Variants in PAFAH1B1 observed in about 807,000 individuals in gnomAD.
PAFAH1B1 encodes the protein platelet activating factor acetylhydrolase 1b regulatory subunit 1, also known as platelet-activating factor acetylhydrolase IB subunit beta.
In PAFAH1B1, 2 loss-of-function variants were observed where a neutral mutation model predicts 57.5. The observed-to-expected ratio is 0.03, with a 90% CI of 0.01 to 0.11. The LOEUF (loss-of-function observed/expected upper bound fraction) is 0.11, where lower values mean the gene tolerates loss of function less well. PAFAH1B1 is among the 10% of genes least tolerant of loss of function. PAFAH1B1 has a pLI of 1.00. For synonymous variants in PAFAH1B1, 152 were observed against 169.6 expected (o/e 0.90, Z 0.81); for missense variants, 257 against 512.0 (o/e 0.50, Z 4.81).
chr17:2,668,164 A>G (rs893575286), intron 5 of PAFAH1B1, among the ~76,000 whole-genome samples: 8 of 151,736 alleles, frequency 5.3e-5, no homozygotes, highest in Admixed American at 2.6e-4. Flanking sequence ...ATCTCTACTA[A>G]AATACAAAAA....
chr17:2,672,702 C>G lies in PAFAH1B1; in HGVS notation c.616C>G (p.His206Asp). 6.2e-7 allele frequency: 1 copy of G among 1,613,452 alleles called. No homozygotes were observed. Among genetic ancestry groups the G allele is most frequent in the Non-Finnish European group, 8.5e-7 (1 of 1,179,534 alleles). Residue 206 changes from histidine (H) to aspartate (D), a missense_variant, in exon 7 of 11, where the codon CAT (histidine) becomes GAT (aspartate). Physicochemically the swap from His to Asp is moderately conservative, Grantham distance 81 (BLOSUM62 -1). Coordinates refer to ENST00000397195, the MANE Select transcript of PAFAH1B1 (RefSeq NM_000430.4). ...SSVAIMPNGD[H>D]IVSASRDKTI... is the part of the protein sequence containing the mutation. ...AGTAGCCATCATGCCCAATGGAGAT[C>G]ATATAGTGTCTGCCTCAAGGGATAA...
intron 1 of PAFAH1B1, among the ~76,000 whole-genome samples, chr17:2,610,664 A>C (rs973753269): frequency 6.6e-6 from 1 of 152,220 alleles, no homozygotes; most frequent in Non-Finnish European, 1.5e-5. Flanking sequence ...TGTTTTAGGA[A>C]AGCTTACGAA....
At chr17:2,640,655 G>C (rs914945236) in intron 2 of PAFAH1B1, 1 of 151,496 alleles carries the variant, frequency 6.6e-6, no homozygotes, top group African/African-American at 2.4e-5. Context: ...GTTTCACTGT[G>C]TCGGCCAGAC....
Position 2,628,550 on chromosome 17 carries a change from T to G in PAFAH1B1, c.-190-9549T>G, listed in dbSNP as rs558779304. 2.6e-5 allele frequency among the ~76,000 whole-genome samples: 4 copies of G among 152,022 alleles called. No individual in the cohort carries two copies. The South Asian group carries it at 6.2e-4, about 24-fold the overall frequency. ...GTCTGTAGTTTTCTTTTTTTGGTTG[T>G]TTGGTTGTAGTTTCCTTTCCTGGTT... On this transcript the variant is annotated intron_variant, in intron 1 of 10. Coordinates refer to ENST00000397195, the MANE Select transcript of PAFAH1B1 (RefSeq NM_000430.4).
intron 2 of PAFAH1B1, chr17:2,640,592 C>G (rs1474428138): frequency 6.6e-6 from 1 of 151,450 alleles, no homozygotes; most frequent in African/African-American, 2.4e-5. Context: ...GCTGGAATTA[C>G]AGGCGCACAC....
At chr17:2,664,667 T>TCGCTCG (rs1049411583) in intron 2 of PAFAH1B1, among the ~76,000 whole-genome samples, 66 of 97,428 alleles carry the variant, frequency 6.8e-4, no homozygotes, top group African/African-American at 2.2e-3. Flanking sequence ...TATCTATCGC[T>TCGCTCG]CTCTCTCTCT....
At chr17:2,648,589 ACT>A (rs963041865) in intron 2 of PAFAH1B1, among the ~76,000 whole-genome samples, 3 of 150,598 alleles carry the variant, frequency 2.0e-5, no homozygotes, top group African/African-American at 4.9e-5. Context: ...GAGGTGGGAG[ACT>A]CTCATGAGCC....
Position 2,626,723 on chromosome 17 carries a change from T to A in PAFAH1B1, c.-190-11376T>A, listed in dbSNP as rs990324969. On this transcript the variant is annotated intron_variant, in intron 1 of 10. Transcript: ENST00000397195. ...GCGCGTGCCACCAAGCCCGGCTAAT[T>A]TTTGTATTTTTAGTAGAGATAGGGT... Among the ~76,000 whole-genome samples, 7 of 151,856 alleles carry A rather than the reference T, an allele frequency of 4.6e-5. 1 individual carries two copies. Among genetic ancestry groups the A allele is most frequent in the Admixed American group, 4.6e-4 (7 of 15,270 alleles).
At chr17:2,595,421 C>CTTTTTTTTTT (rs71377513) in intron 1 of PAFAH1B1, among the ~76,000 whole-genome samples, 4 of 124,062 alleles carry the variant, frequency 3.2e-5, no homozygotes, top group Non-Finnish European at 5.1e-5. Context: ...GGAGTGTTTG[C>CTTTTTTTTTT]TTTTTTTTTT....
intron 1 of PAFAH1B1, among the ~76,000 whole-genome samples, chr17:2,637,451 G>T (rs940100294): frequency 6.6e-6 from 1 of 152,110 alleles, no homozygotes; most frequent in African/African-American, 2.4e-5. Context: ...GGGCATGGTG[G>T]TGTGTGCCTG....
At chr17:2,633,455 A>G (rs982176410) in intron 1 of PAFAH1B1, among the ~76,000 whole-genome samples, 4 of 150,400 alleles carry the variant, frequency 2.7e-5, no homozygotes, top group Non-Finnish European at 5.9e-5. Context: ...GGTGTGAGCC[A>G]CTGTGCCCAG....
At chr17:2,634,172 G>A (rs905131249) in intron 1 of PAFAH1B1, among the ~76,000 whole-genome samples, 2 of 151,954 alleles carry the variant, frequency 1.3e-5, no homozygotes. Context: ...GTCTTGCTCT[G>A]TTGCCCACCC....
At chr17:2,619,679 C>T (rs1264398996) in intron 1 of PAFAH1B1, among the ~76,000 whole-genome samples, 3 of 152,106 alleles carry the variant, frequency 2.0e-5, no homozygotes, top group Non-Finnish European at 2.9e-5. Flanking sequence ...CTGCCTATTC[C>T]TCACTGAATC....
At position 2,682,632 on chromosome 17, in the gene PAFAH1B1, T is replaced by G. The variant is rs760466899; in HGVS notation, c.*830T>G. On this transcript the variant is annotated 3_prime_UTR_variant, in exon 11 of 11. Transcript: ENST00000397195. Reference sequence around the variant, plus strand: ...AGTGATGTGACTTCCAAGTAGAATTTAATCTCCCCATTGAGTGTGTCATGG... The same window carrying G: ...AGTGATGTGACTTCCAAGTAGAATTGAATCTCCCCATTGAGTGTGTCATGG... 14 of 152,656 alleles carry G rather than the reference T, an allele frequency of 9.2e-5. No homozygotes were observed. Among genetic ancestry groups the G allele is most frequent in the Non-Finnish European group, 1.6e-4 (11 of 68,034 alleles). The allele number at this position is 152,656 out of a possible 1,614,324, so 9.5% of individuals were successfully genotyped here. A position where few individuals can be genotyped will look rare whatever the true frequency, so the allele number is the denominator to read the frequency against.
intron 1 of PAFAH1B1, among the ~76,000 whole-genome samples, chr17:2,636,286 A>G (rs1349946129): frequency 6.6e-6 from 1 of 152,130 alleles, no homozygotes; most frequent in African/African-American, 2.4e-5. Context: ...TTCAGCTATC[A>G]TTTGTAGTTA....
intron 9 of PAFAH1B1, chr17:2,679,893 G>A (rs2069351066): frequency 4.6e-6 from 2 of 436,450 alleles, no homozygotes; most frequent in African/African-American, 4.0e-5. Context: ...ACCATTGATA[G>A]ACTACATATT....
intron 1 of PAFAH1B1, among the ~76,000 whole-genome samples, chr17:2,596,395 A>G (rs2068084390): frequency 6.6e-6 from 1 of 152,206 alleles, no homozygotes; most frequent in Non-Finnish European, 1.5e-5. Flanking sequence ...GTGAACATAA[A>G]AGGTGGGGAA....
In PAFAH1B1 at chr17:2,684,328, T is replaced by G. The variant is rs1174115341; in HGVS notation, c.*2526T>G. The stretch of plus-strand genomic sequence containing the variant: ...GCCCTTTCTGACTGTGTTCTCTGTT[T>G]TCTCTGTCTGCTGTCTAACCCTGTG... On this transcript the variant is annotated 3_prime_UTR_variant, in exon 11 of 11. Transcript: ENST00000397195. 6.5e-6 allele frequency: 1 copy of G among 152,754 alleles called. No individual in the cohort carries two copies. Among genetic ancestry groups the G allele is most frequent in the East Asian group, 1.9e-4 (1 of 5,202 alleles). 9.5% of individuals were successfully genotyped at this position (152,754 alleles called of 1,614,324 possible). A position where few individuals can be genotyped will look rare whatever the true frequency, so the allele number is the denominator to read the frequency against.
chr17:2,657,304 C>T (rs7207614), intron 2 of PAFAH1B1, among the ~76,000 whole-genome samples: 87,829 of 152,100 alleles, frequency 0.58, 28,026 homozygotes, highest in East Asian at 0.88. Context: ...AAGGCAGTGG[C>T]GCCATCTTGG....
Sources: allele counts gnomAD v4.1 joint callset (sites outside exome capture counted in the v4.1 genomes callset), GRCh38; gene constraint gnomAD v4.1.1; transcripts MANE v1.5; gene names NCBI Gene and HGNC (gene_info 2026-07-23, HGNC 2026-07-21).